TPM1: variants seen among roughly 807,000 people sequenced by gnomAD.
TPM1 encodes tropomyosin alpha-1 chain.
A neutral mutation model predicts 42.9 loss-of-function variants in TPM1; 24 were observed. That is an observed-to-expected ratio of 0.56 (90% CI 0.41 to 0.79). The LOEUF is 0.79. Ranked by LOEUF, TPM1 falls within the 30% of genes least tolerant of loss-of-function variation. The pLI, the probability that TPM1 is intolerant of heterozygous loss-of-function variation, is 0.00. For synonymous variants in TPM1, 136 were observed against 130.1 expected, an observed-to-expected ratio of 1.05 and a Z score of -0.31; for missense variants, 158 against 351.8, an observed-to-expected ratio of 0.45 and a Z score of 4.41.
intron 1 of TPM1, chr15:63,043,786 C>G: frequency 1.9e-6 from 3 of 1,549,990 alleles, no homozygotes; most frequent in Non-Finnish European, 1.7e-6. Flanking sequence ...AGGAGCTGCA[C>G]AAGGCGGAGG....
intron 3 of TPM1, among the ~76,000 whole-genome samples, chr15:63,059,347 T>C (rs1051620371): frequency 3.3e-5 from 5 of 152,210 alleles, no homozygotes; most frequent in Non-Finnish European, 5.9e-5. Context: ...GTACTCAAAG[T>C]GAGAGAGTTC....
chr15:63,044,125 G>A lies in TPM1; in HGVS notation c.213G>A (p.Leu71=). 1 of 1,614,212 alleles carries A rather than the reference G, an allele frequency of 6.2e-7. No individual in the cohort carries two copies. The highest frequency in any genetic ancestry group is 8.5e-7 in the Non-Finnish European group (1 of 1,180,032). Residue 71 remains leucine (L), a synonymous_variant, in exon 2 of 10, where the codon CTG becomes CTA. Transcript: ENST00000403994. ...CTCTCAAAGATGCCCAGGAGAAGCT[G>A]GAGCTGGCAGAGAAAAAGGCCACCG... ...SEALKDAQEK[L]ELAEKKATDA... is the part of the protein sequence containing the mutation.
chr15:63,066,082 CTG>C lies in TPM1; in HGVS notation c.*187_*188del, dbSNP rs1207021960. 6.6e-7 allele frequency: 1 copy of C among 1,515,748 alleles called. No individual in the cohort carries two copies. The highest frequency in any genetic ancestry group is 1.4e-5 in the African/African-American group (1 of 71,606). 93.9% of individuals were successfully genotyped at this position (1,515,748 alleles called of 1,614,324 possible). A position where few individuals can be genotyped will look rare whatever the true frequency, so the allele number is the denominator to read the frequency against. The stretch of plus-strand genomic sequence containing the variant: ...TCTTCGTTTCAGTGTCAAATAAACA[CTG>C]TGTAAGCTATTTCTGTTTGCTATTC... On this transcript the variant is annotated 3_prime_UTR_variant, in exon 10 of 10. Transcript: ENST00000403994.
At chr15:63,062,936 T>C in intron 8 of TPM1, 1 of 1,444,224 alleles carries the variant, frequency 6.9e-7, no homozygotes, top group South Asian at 1.5e-5. Flanking sequence ...AGGTGCTTAT[T>C]GGTGAGAATG....
chr15:63,071,630 A>G (rs2036608269), exon 9 of TPM1: 1 of 213,034 alleles, frequency 4.7e-6, no homozygotes, highest in Admixed American at 5.3e-5. Context: ...GAGTTTTACT[A>G]CAAGATGAGA....
rs4774472 is a variant in TPM1 at position 63,061,561 on chromosome 15, C to A, written c.564-152C>A. On this transcript the variant is annotated intron_variant, in intron 5 of 9. Coordinates refer to ENST00000403994, the MANE Select transcript of TPM1 (RefSeq NM_001018005.2). Reference sequence around the variant, plus strand: ...GTTGGGGGGCAGTGTTCCTGGAAAACCTAAACATTTTAATACCTGATGATT... The same window carrying A: ...GTTGGGGGGCAGTGTTCCTGGAAAAACTAAACATTTTAATACCTGATGATT... 679,048 of 840,410 alleles carry A rather than the reference C, an allele frequency of 0.81. 275,667 individuals carry two copies. Among genetic ancestry groups the A allele is most frequent in the East Asian group, 1 (40,045 of 40,168 alleles). 52.1% of individuals were successfully genotyped at this position (840,410 alleles called of 1,614,324 possible).
intron 2 of TPM1, among the ~76,000 whole-genome samples, chr15:63,053,313 C>T (rs754208542): frequency 1.2e-4 from 19 of 152,066 alleles, no homozygotes; most frequent in African/African-American, 2.4e-4. Flanking sequence ...GGGTGGGGGC[C>T]GGAGAACATC....
rs1057523797 is a variant in TPM1, at chr15:63,059,546, C to T, written c.375-17C>T. ...CAGCTCTAAATCTTGGGTTTTCTTG[C>T]TTGTCTTTCTTTTCAGAGGCATGAA... On this transcript the variant is annotated splice_polypyrimidine_tract_variant and intron_variant, in intron 3 of 9. Coordinates refer to ENST00000403994, the MANE Select transcript of TPM1 (RefSeq NM_001018005.2). 1.9e-6 allele frequency: 3 copies of T among 1,598,146 alleles called. No homozygotes were observed. Among genetic ancestry groups the T allele is most frequent in the Non-Finnish European group, 2.6e-6 (3 of 1,168,376 alleles).
Position 63,066,080 on chromosome 15 carries a change from C to A in TPM1, c.*181C>A, listed in dbSNP as rs1201661655. 1 of 1,530,816 alleles carries A rather than the reference C, an allele frequency of 6.5e-7. No individual in the cohort carries two copies. The allele number at this position is 1,530,816 out of a possible 1,614,324, so 94.8% of individuals were successfully genotyped here. ...GCTCTTCGTTTCAGTGTCAAATAAA[C>A]ACTGTGTAAGCTATTTCTGTTTGCT... On this transcript the variant is annotated 3_prime_UTR_variant, in exon 10 of 10. Transcript: ENST00000403994.
intron 1 of TPM1, chr15:63,043,566 A>T: frequency 7.5e-7 from 1 of 1,341,894 alleles, no homozygotes; most frequent in South Asian, 1.2e-5. Flanking sequence ...GGTAAAGAGG[A>T]AGTTACCTCG....
intron 3 of TPM1, among the ~76,000 whole-genome samples, chr15:63,057,503 G>A (rs2034992635): frequency 6.6e-6 from 1 of 152,172 alleles, no homozygotes; most frequent in African/African-American, 2.4e-5. Context: ...TATACAAGGA[G>A]GCTTAGGTGT....
intron 2 of TPM1, chr15:63,048,679 T>G (rs1279024018): frequency 1.3e-6 from 2 of 1,539,558 alleles, no homozygotes; most frequent in Non-Finnish European, 1.7e-6. Context: ...CAGCGCGAGC[T>G]GGACCACGAG....
intron 3 of TPM1, 114 bp from the exon 4 acceptor site, chr15:63,059,449 G>A (rs530824213): frequency 2.7e-6 from 2 of 749,242 alleles, no homozygotes; most frequent in South Asian, 1.4e-5. Context: ...AAGTAGCTCT[G>A]TGCTCTATTT....
intron 2 of TPM1, among the ~76,000 whole-genome samples, chr15:63,053,871 G>A (rs1422480893): frequency 3.3e-5 from 5 of 151,726 alleles, no homozygotes; most frequent in Non-Finnish European, 7.4e-5. Context: ...TTGTAGAGAC[G>A]GGGTTTCACC....
chr15:63,064,511 C>T, intron 9 of TPM1: 1 of 1,096,466 alleles, frequency 9.1e-7, no homozygotes, highest in Non-Finnish European at 1.1e-6. Context: ...AAATTTGTTT[C>T]CTGAAATTCA....
chr15:63,056,747 C>G (rs1285336909), intron 2 of TPM1: 1 of 560,054 alleles, frequency 1.8e-6, no homozygotes, highest in Non-Finnish European at 3.2e-6. Context: ...ATCTGTCTGT[C>G]TGATGAGAAT....
Position 63,044,325 on chromosome 15 carries a change from T to G in TPM1, c.240+173T>G, listed in dbSNP as rs2031925133. 3 of 890,506 alleles carry G rather than the reference T, an allele frequency of 3.4e-6. No individual in the cohort carries two copies. In the South Asian group the frequency reaches 4.3e-5, roughly 13 times the overall value. The allele number at this position is 890,506 out of a possible 1,614,324, so 55.2% of individuals were successfully genotyped here. A position where few individuals can be genotyped will look rare whatever the true frequency, so the allele number is the denominator to read the frequency against. Reference sequence around the variant, plus strand: ...CGCCTCTGACTGCTACTGCACACATTCATTTATATTTCATCCACTCCTCTC... The same window carrying G: ...CGCCTCTGACTGCTACTGCACACATGCATTTATATTTCATCCACTCCTCTC... On this transcript the variant is annotated intron_variant, in intron 2 of 9. Coordinates refer to ENST00000403994, the MANE Select transcript of TPM1 (RefSeq NM_001018005.2).
At chr15:63,048,265 G>C (rs894465895) in intron 2 of TPM1, 90 of 552,214 alleles carry the variant, frequency 1.6e-4, no homozygotes, top group Non-Finnish European at 2.6e-4. Flanking sequence ...AGCTCACCAG[G>C]TACCCCCGCA....
At chr15:63,043,461 C>G (rs1286098491) in intron 1 of TPM1, 1 of 686,386 alleles carries the variant, frequency 1.5e-6, no homozygotes. Flanking sequence ...TTCTGTGTCC[C>G]CAAGTAGTGG....
Sources: gnomAD v4.1 joint callset for allele counts (sites outside exome capture counted in the v4.1 genomes callset) on GRCh38, gnomAD v4.1.1 for gene constraint, MANE v1.5 for transcripts, NCBI Gene and HGNC (gene_info 2026-07-23, HGNC 2026-07-21) for gene names.